CCDC191: variants seen among roughly 807,000 people sequenced by gnomAD.
CCDC191 encodes coiled-coil domain-containing protein 191.
A neutral mutation model predicts 114.0 loss-of-function variants in CCDC191; 99 were observed. That is an observed-to-expected ratio of 0.87 (90% CI 0.74 to 1.03). CCDC191 has a LOEUF of 1.03. Among genes scored for constraint, CCDC191 ranks in the 50% least tolerant of loss-of-function variants. The pLI is 0.00. For synonymous variants in CCDC191, 351 were observed against 376.0 expected, an observed-to-expected ratio of 0.93 and a Z score of 0.77; for missense variants, 973 against 1,087.0, an observed-to-expected ratio of 0.90 and a Z score of 1.47.
At chr3:113,988,538 A>G (rs938182628) in intron 13 of CCDC191, among the ~76,000 whole-genome samples, 3 of 151,018 alleles carry the variant, frequency 2.0e-5, no homozygotes, top group African/African-American at 7.3e-5. Flanking sequence ...AGGCAGGAGA[A>G]TCACTTGAAC....
intron 13 of CCDC191, among the ~76,000 whole-genome samples, chr3:113,994,472 T>C (rs540526580): frequency 7.9e-5 from 12 of 152,140 alleles, no homozygotes; most frequent in African/African-American, 2.2e-4. Flanking sequence ...CTCTTTGGAA[T>C]AGAATTTGGC....
intron 13 of CCDC191, among the ~76,000 whole-genome samples, chr3:113,995,184 A>G (rs779993161): frequency 2.0e-4 from 30 of 152,162 alleles, no homozygotes; most frequent in Non-Finnish European, 3.5e-4. Context: ...GCCAGGGGTT[A>G]GGGGCTGGCG....
chr3:113,970,129 T>C (rs1940650180), intron 16 of CCDC191, among the ~76,000 whole-genome samples: 2 of 152,202 alleles, frequency 1.3e-5, no homozygotes, highest in African/African-American at 4.8e-5. Context: ...GGGATTGTTT[T>C]CTTCTTTTTC....
intron 16 of CCDC191, among the ~76,000 whole-genome samples, chr3:113,973,811 G>A (rs1354353888): frequency 6.6e-6 from 1 of 151,850 alleles, no homozygotes; most frequent in African/African-American, 2.4e-5. Flanking sequence ...TTTCCTATAC[G>A]TGGATATGTC....
chr3:114,024,889 T>G (rs1221145241), intron 7 of CCDC191, among the ~76,000 whole-genome samples: 5 of 152,092 alleles, frequency 3.3e-5, no homozygotes. Context: ...AAAATAAATC[T>G]CCAGTAGGAA....
chr3:114,043,616 C>T (rs183678014), intron 3 of CCDC191, among the ~76,000 whole-genome samples: 1 of 152,304 alleles, frequency 6.6e-6, no homozygotes, highest in East Asian at 1.9e-4. Flanking sequence ...TTGGCTTTTA[C>T]TCTGAGTACA....
intron 13 of CCDC191, among the ~76,000 whole-genome samples, chr3:113,996,038 G>A: frequency 6.6e-6 from 1 of 152,042 alleles, no homozygotes; most frequent in Admixed American, 6.6e-5. Context: ...TTTGTCAGAT[G>A]GATAGATTGC....
chr3:113,985,662 G>A (rs1389553666), intron 13 of CCDC191, among the ~76,000 whole-genome samples: 1 of 152,164 alleles, frequency 6.6e-6, no homozygotes, highest in East Asian at 1.9e-4. Flanking sequence ...TGAGAAAGCT[G>A]TAAACAACAG....
rs752564780 is a variant in CCDC191, at chr3:114,005,531, T to G, written c.1845A>C (p.Pro615=). The part of the protein sequence containing the change: ...HLLSKPREEE[P]RTCQMLVNSP... ...ACTTCACAAGCATCTGGCAGGTTCT[T>G]GGTTCCTCTTCTCTGGGCTTTGACA... Residue 615 remains proline, a synonymous_variant, in exon 10 of 17, where the codon CCA becomes CCC. Coordinates refer to ENST00000295878, the MANE Select transcript of CCDC191 (RefSeq NM_020817.2). 2 of 1,610,982 alleles carry G rather than the reference T, an allele frequency of 1.2e-6. No individual in the cohort carries two copies. Among genetic ancestry groups the G allele is most frequent in the Admixed American group, 1.7e-5 (1 of 59,318 alleles).
At chr3:113,970,612 C>T (rs1396901461) in intron 16 of CCDC191, among the ~76,000 whole-genome samples, 2 of 152,110 alleles carry the variant, frequency 1.3e-5, no homozygotes, top group Admixed American at 6.6e-5. Flanking sequence ...TACATGTGCA[C>T]AACATGCAGG....
At chr3:114,019,956 G>A (rs1478461345) in intron 7 of CCDC191, among the ~76,000 whole-genome samples, 2 of 152,112 alleles carry the variant, frequency 1.3e-5, no homozygotes, top group African/African-American at 4.8e-5. Context: ...CCTAGACTGT[G>A]AGCCTCCTGA....
Position 114,002,493 on chromosome 3 carries a change from A to G in CCDC191, c.2024T>C (p.Leu675Ser). ...AIQRAECRRI[L>S]AEKKKKQEEE... ...TTCTTGTTTTTTCTTCTTCTCTGCC[A>G]AGATCCGCCTACATTCAGCTCGTTG... Residue 675 changes from leucine to serine, a missense_variant, in exon 12 of 17, where the codon TTG (leucine) becomes TCG (serine). Coordinates refer to ENST00000295878, the MANE Select transcript of CCDC191 (RefSeq NM_020817.2). 1 of 1,611,668 alleles carries G rather than the reference A, an allele frequency of 6.2e-7. No homozygotes were observed. The highest frequency in any genetic ancestry group is 8.5e-7 in the Non-Finnish European group (1 of 1,179,100).
At chr3:113,986,533 G>A (rs565163784) in intron 13 of CCDC191, among the ~76,000 whole-genome samples, 9 of 152,148 alleles carry the variant, frequency 5.9e-5, no homozygotes, top group Admixed American at 5.2e-4. Context: ...TATCATATTC[G>A]AACTGCTAAA....
intron 13 of CCDC191, among the ~76,000 whole-genome samples, chr3:113,993,068 C>T (rs1559890329): frequency 6.6e-6 from 1 of 152,100 alleles, no homozygotes. Flanking sequence ...ATGATCATCT[C>T]AACAGATGCA....
chr3:114,020,187 C>T (rs1196004025), intron 7 of CCDC191, among the ~76,000 whole-genome samples: 4 of 152,144 alleles, frequency 2.6e-5, no homozygotes, highest in Non-Finnish European at 5.9e-5. Context: ...GCTAAGCAAC[C>T]ATCACTGTGT....
intron 11 of CCDC191, 39 bp from the exon 12 acceptor site, chr3:114,002,577 GA>G (rs757397545): frequency 1.6e-5 from 24 of 1,475,624 alleles, no homozygotes; most frequent in Non-Finnish European, 2.2e-5. Context: ...TTTTTATATT[GA>G]AAAAATATGA....
At chr3:114,035,651 T>C (rs2076472866) in intron 5 of CCDC191, among the ~76,000 whole-genome samples, 1 of 152,230 alleles carries the variant, frequency 6.6e-6, no homozygotes, top group Admixed American at 6.5e-5. Flanking sequence ...TTCTGGATCA[T>C]ATTTGGAAAT....
At chr3:114,026,299 A>T (rs1233077159) in intron 7 of CCDC191, among the ~76,000 whole-genome samples, 1 of 152,240 alleles carries the variant, frequency 6.6e-6, no homozygotes, top group African/African-American at 2.4e-5. Flanking sequence ...TCTTTACCAA[A>T]ACTGGTAACA....
rs1273777563 is a variant in CCDC191 at position 114,004,704 on chromosome 3, G to A, written c.1911C>T (p.Ser637=). The part of the protein sequence containing the change: ...ASPGTEGRSD[S]RNSLSGLRRK... ...TTCTGAGTCCAGAAAGAGAATTTCGGGAGTCACTTCTGCCTTCAGTCCCAG... is the reference window on the plus strand; with the variant it reads ...TTCTGAGTCCAGAAAGAGAATTTCGAGAGTCACTTCTGCCTTCAGTCCCAG... The change falls in exon 11 of 17, where the codon TCC becomes TCT. Residue 637 remains serine (S), a synonymous_variant. Coordinates refer to ENST00000295878, the MANE Select transcript of CCDC191 (RefSeq NM_020817.2). 5.0e-6 allele frequency: 8 copies of A among 1,612,468 alleles called. No homozygotes were observed. Among genetic ancestry groups the A allele is most frequent in the Non-Finnish European group, 5.9e-6 (7 of 1,179,324 alleles).
Sources: gnomAD v4.1 joint callset for allele counts (sites outside exome capture counted in the v4.1 genomes callset) on GRCh38, gnomAD v4.1.1 for gene constraint, MANE v1.5 for transcripts, NCBI Gene and HGNC (gene_info 2026-07-23, HGNC 2026-07-21) for gene names.